The following ROBO1 variants were observed in gnomAD, a reference collection of about 807,000 sequenced individuals.
ROBO1 encodes roundabout homolog 1.
Under a neutral mutation model 195.9 loss-of-function variants are expected in ROBO1, and 149 were observed. The ratio of observed to expected loss-of-function variants is 0.76; its 90% CI spans 0.67 to 0.87. The LOEUF (loss-of-function observed/expected upper bound fraction) is 0.87, where lower values mean the gene tolerates loss of function less well. ROBO1 is among the 40% of genes least tolerant of loss of function. ROBO1 has a pLI of 0.00. For synonymous variants in ROBO1, 816 were observed against 733.2 expected (o/e 1.11, Z -1.82); for missense variants, 1,933 against 2,068.3 (o/e 0.93, Z 1.27).
chr3:79,414,873 C>G (rs143099831), intron 2 of ROBO1, among the ~76,000 whole-genome samples: 48 of 152,212 alleles, frequency 3.2e-4, no homozygotes, highest in Non-Finnish European at 6.2e-4. Context: ...TGGTTCAAAG[C>G]CAGTTGTTTG....
intron 2 of ROBO1, among the ~76,000 whole-genome samples, chr3:79,285,329 T>A (rs1358553176): frequency 6.6e-6 from 1 of 152,208 alleles, no homozygotes; most frequent in Non-Finnish European, 1.5e-5. Flanking sequence ...ATGTTTTCCT[T>A]AACGTATTGC....
intron 2 of ROBO1, among the ~76,000 whole-genome samples, chr3:79,455,527 A>G (rs971718627): frequency 1.2e-4 from 19 of 152,112 alleles, no homozygotes; most frequent in African/African-American, 4.6e-4. Flanking sequence ...TTTAAAGGAG[A>G]CATTTAAATA....
intron 2 of ROBO1, among the ~76,000 whole-genome samples, chr3:79,285,133 C>T (rs928246987): frequency 5.3e-5 from 8 of 152,064 alleles, no homozygotes; most frequent in Admixed American, 5.2e-4. Context: ...TATAAATCAA[C>T]ATGTTCTTAC....
intron 2 of ROBO1, among the ~76,000 whole-genome samples, chr3:79,350,474 A>G (rs1408417138): frequency 6.6e-6 from 1 of 152,232 alleles, no homozygotes; most frequent in East Asian, 1.9e-4. Context: ...TGTCCATATA[A>G]AAACTTGTAC....
chr3:79,418,493 T>C (rs1442253678), intron 2 of ROBO1, among the ~76,000 whole-genome samples: 3 of 152,210 alleles, frequency 2.0e-5, no homozygotes, highest in Admixed American at 2.0e-4. Context: ...TCCTCCACTC[T>C]TTCCACCATT....
At chr3:79,323,176 G>C (rs1206385098) in intron 2 of ROBO1, among the ~76,000 whole-genome samples, 1 of 151,754 alleles carries the variant, frequency 6.6e-6, no homozygotes, top group African/African-American at 2.4e-5. Context: ...CTGCCTCCTG[G>C]GTTCAAGCTA....
At position 78,861,015 on chromosome 3, in the gene ROBO1, C is replaced by A. The variant is rs745397544; in HGVS notation, c.499+77586G>T. On this transcript the variant is annotated intron_variant, in intron 4 of 30. Coordinates refer to ENST00000464233, the MANE Select transcript of ROBO1 (RefSeq NM_002941.4). The stretch of plus-strand genomic sequence containing the variant: ...TGTTCTTAACTTTTTCATTAAATGA[C>A]CTTACCCATTCTTTTGTCTCAACTA... Among the ~76,000 whole-genome samples the A allele has an allele frequency of 4.4e-4, 67 of 152,124 alleles. 1 individual carries two copies. The highest frequency in any genetic ancestry group is 9.1e-4 in the Non-Finnish European group (62 of 68,028).
chr3:79,565,959 T>G (rs1943076002), intron 2 of ROBO1, among the ~76,000 whole-genome samples: 1 of 152,120 alleles, frequency 6.6e-6, no homozygotes, highest in Non-Finnish European at 1.5e-5. Context: ...TACGGTTCCC[T>G]TCCTGGTGGA....
intron 3 of ROBO1, among the ~76,000 whole-genome samples, chr3:79,083,887 C>A (rs1399369731): frequency 6.6e-6 from 1 of 152,076 alleles, no homozygotes; most frequent in African/African-American, 2.4e-5. Context: ...GGTTCTGAAC[C>A]AAACTTCTTC....
At chr3:79,505,981 A>T (rs1940370104) in intron 2 of ROBO1, among the ~76,000 whole-genome samples, 1 of 152,202 alleles carries the variant, frequency 6.6e-6, no homozygotes. Flanking sequence ...TGGAAGAGCA[A>T]CTAACTGAAG....
chr3:78,721,106 A>G (rs2082034940), intron 5 of ROBO1, among the ~76,000 whole-genome samples: 1 of 152,210 alleles, frequency 6.6e-6, no homozygotes, highest in Non-Finnish European at 1.5e-5. Flanking sequence ...ATTAAAAAAA[A>G]AAGATATGTG....
chr3:79,502,285 C>T (rs909149354), intron 2 of ROBO1, among the ~76,000 whole-genome samples: 22 of 152,100 alleles, frequency 1.4e-4, no homozygotes, highest in African/African-American at 4.8e-4. Flanking sequence ...ACCGGGGCTG[C>T]GCGCGGCGCT....
At chr3:79,331,959 G>T (rs1280939327) in intron 2 of ROBO1, among the ~76,000 whole-genome samples, 1 of 151,972 alleles carries the variant, frequency 6.6e-6, no homozygotes, top group Middle Eastern at 3.2e-3. Flanking sequence ...TGGCTAACAC[G>T]GTGAAACCCC....
chr3:78,608,589 C>T (rs1262638561), intron 28 of ROBO1, among the ~76,000 whole-genome samples: 3 of 152,022 alleles, frequency 2.0e-5, no homozygotes, highest in African/African-American at 4.8e-5. Context: ...TACTAAGTTT[C>T]GGTTATTCCG....
chr3:79,658,150 A>G (rs923256450), intron 1 of ROBO1, among the ~76,000 whole-genome samples: 2 of 152,110 alleles, frequency 1.3e-5, no homozygotes, highest in Non-Finnish European at 2.9e-5. Flanking sequence ...CTTAAAGATA[A>G]TGTTTAGTTC....
intron 2 of ROBO1, among the ~76,000 whole-genome samples, chr3:79,386,710 C>G (rs2036761732): frequency 6.6e-6 from 1 of 152,042 alleles, no homozygotes; most frequent in Admixed American, 6.6e-5. Context: ...AACAATACTT[C>G]CAAATAAATG....
At chr3:78,892,087 G>A (rs746573975) in intron 4 of ROBO1, among the ~76,000 whole-genome samples, 2 of 152,068 alleles carry the variant, frequency 1.3e-5, no homozygotes, top group Non-Finnish European at 2.9e-5. Context: ...TAAAAAATGC[G>A]GGCCGTGCAC....
At chr3:79,283,086 G>C (rs947673998) in intron 2 of ROBO1, among the ~76,000 whole-genome samples, 3 of 152,204 alleles carry the variant, frequency 2.0e-5, no homozygotes, top group Non-Finnish European at 4.4e-5. Context: ...GTTTAAATAA[G>C]TTTCAGGGTA....
chr3:79,648,360 G>A (rs541948017), intron 1 of ROBO1, among the ~76,000 whole-genome samples: 20 of 152,086 alleles, frequency 1.3e-4, no homozygotes, highest in Non-Finnish European at 2.4e-4. Flanking sequence ...TCAAGCACAA[G>A]CAAGCACAAA....
Sources: gnomAD v4.1 joint callset for allele counts (sites outside exome capture counted in the v4.1 genomes callset) on GRCh38, gnomAD v4.1.1 for gene constraint, MANE v1.5 for transcripts, NCBI Gene and HGNC (gene_info 2026-07-23, HGNC 2026-07-21) for gene names.